ERRFI1: variants seen among roughly 807,000 people sequenced by gnomAD.
ERRFI1 encodes mitogen-inducible gene 6 protein.
Under a neutral mutation model 14.6 loss-of-function variants are expected in ERRFI1, and 12 were observed. The ratio of observed to expected loss-of-function variants is 0.82; its 90% CI spans 0.53 to 1.33. The LOEUF is 1.33. ERRFI1 is among the 40% of genes most tolerant of loss of function. The probability of loss-of-function intolerance (pLI) is 0.00; values close to 1 mark genes in which losing one functional copy is unlikely to be tolerated. For missense variants in ERRFI1, 482 were observed against 572.1 expected (o/e 0.84, Z 1.61); for synonymous variants, 202 against 209.9 (o/e 0.96, Z 0.32).
intron 1 of ERRFI1, among the ~76,000 whole-genome samples, chr1:8,025,114 C>A (rs1641325645): frequency 6.6e-6 from 1 of 152,206 alleles, no homozygotes; most frequent in Admixed American, 6.5e-5. Flanking sequence ...ACCTGTGTTG[C>A]AGGTGTACCT....
intron 1 of ERRFI1, among the ~76,000 whole-genome samples, chr1:8,025,183 C>T (rs1323689044): frequency 6.6e-6 from 1 of 152,196 alleles, no homozygotes; most frequent in Non-Finnish European, 1.5e-5. Flanking sequence ...AAGTTTATGA[C>T]TAACCATCTA....
In ERRFI1 at chr1:8,015,579, G is replaced by A. The variant is rs2124066334; in HGVS notation, c.41C>T (p.Pro14Leu). The change falls in exon 2 of 4, where the codon CCA becomes CTA. Residue 14 changes from proline (P) to leucine (L), a missense_variant. Physicochemically the swap from Pro to Leu is moderately conservative, Grantham distance 98. Transcript: ENST00000377482. ...AGVAAQEIRVPLKTGFLHNGR... is the reference protein window; with the variant it reads ...AGVAAQEIRVLLKTGFLHNGR... Reference sequence around the variant, plus strand: ...ATTATGTAGAAATCCAGTTTTTAATGGGACTCTGATCTCCTGAGCAGCAAC... The same window carrying A: ...ATTATGTAGAAATCCAGTTTTTAATAGGACTCTGATCTCCTGAGCAGCAAC... The A allele has an allele frequency of 3.1e-6, 5 of 1,614,074 alleles. No homozygotes were observed. Among genetic ancestry groups the A allele is most frequent in the Non-Finnish European group, 4.2e-6 (5 of 1,179,980 alleles).
Position 8,014,136 on chromosome 1 carries a change from G to A in ERRFI1, c.463C>T (p.Pro155Ser), listed in dbSNP as rs2124060999. ...GAGAGGGCTTCAGAGATTGGCAACG[G>A]TGGAAGAGGCCTAGAACCCCGTTCA... is the stretch of plus-strand genomic sequence containing the variant. ...LCERGSRPLP[P>S]LPISEALSLD... Residue 155 changes from proline to serine, a missense_variant, in exon 4 of 4, where the codon CCG becomes TCG. Pro to Ser is a moderately conservative substitution (Grantham distance 74). Coordinates refer to ENST00000377482, the MANE Select transcript of ERRFI1 (RefSeq NM_018948.4). 1.2e-6 allele frequency: 2 copies of A among 1,614,198 alleles called. No individual in the cohort carries two copies. The highest frequency in any genetic ancestry group is 1.7e-6 in the Non-Finnish European group (2 of 1,180,038).
chr1:8,022,270 G>A (rs892777415), intron 1 of ERRFI1, among the ~76,000 whole-genome samples: 5 of 152,068 alleles, frequency 3.3e-5, no homozygotes, highest in Non-Finnish European at 7.4e-5. Context: ...GTTTTTACTC[G>A]TAATAAGCGG....
chr1:8,014,172 C>T lies in ERRFI1; in HGVS notation c.427G>A (p.Ala143Thr). ...IKNSPSLFPC[A>T]PLCERGSRPL... Reference sequence around the variant, plus strand: ...CTAGAACCCCGTTCACAAAGAGGGGCACAGGGGAAAAGGGAAGGGGAGTTT... The same window carrying T: ...CTAGAACCCCGTTCACAAAGAGGGGTACAGGGGAAAAGGGAAGGGGAGTTT... The change falls in exon 4 of 4, where the codon GCC becomes ACC. Residue 143 changes from alanine (A) to threonine (T), a missense_variant. Ala to Thr is a moderately conservative substitution (Grantham distance 58). Transcript: ENST00000377482. 2 of 1,614,038 alleles carry T rather than the reference C, an allele frequency of 1.2e-6. No homozygotes were observed. The highest frequency in any genetic ancestry group is 8.5e-7 in the Non-Finnish European group (1 of 1,180,002).
intron 1 of ERRFI1, among the ~76,000 whole-genome samples, chr1:8,025,745 A>C (rs1641337328): frequency 6.6e-6 from 1 of 151,528 alleles, no homozygotes; most frequent in Admixed American, 6.6e-5. Context: ...CGGGACGAGG[A>C]CCTTCATGCT....
At chr1:8,014,633 G>A (rs1051345356) in intron 3 of ERRFI1, 2 of 518,382 alleles carry the variant, frequency 3.9e-6, no homozygotes, top group African/African-American at 1.9e-5. Flanking sequence ...CCTTGGACAT[G>A]TGCACAGCGC....
chr1:8,013,426 T>C lies in ERRFI1; in HGVS notation c.1173A>G (p.Ser391=). Residue 391 remains serine (S), a synonymous_variant, in exon 4 of 4, where the codon TCA becomes TCG. Transcript: ENST00000377482. The surrounding 1 kb of genome is among the most constrained non-coding windows in gnomAD (Gnocchi z 4.3). ...PIIENGKKVS[S]THYYLLPERP... ...GTTCAGGTAGTAGGTAATAATGTGT[T>C]GAACTAACCTTCTTCCCATTTTCAA... The C allele has an allele frequency of 1.9e-6, 3 of 1,614,220 alleles. No individual in the cohort carries two copies. Among genetic ancestry groups the C allele is most frequent in the Non-Finnish European group, 2.5e-6 (3 of 1,180,044 alleles).
rs79350459 is a variant in ERRFI1, at chr1:8,023,040, C to T, written c.-74+3118G>A. On this transcript the variant is annotated intron_variant, in intron 1 of 3. Transcript: ENST00000377482. ...ATTTACACAGGTGGTTTGGGAAGGCCTCTCTGAGTAGGTGACTTTTAAATG... is the reference window on the plus strand; with the variant it reads ...ATTTACACAGGTGGTTTGGGAAGGCTTCTCTGAGTAGGTGACTTTTAAATG... Among the ~76,000 whole-genome samples the T allele has an allele frequency of 4.6e-5, 7 of 152,192 alleles. No individual in the cohort carries two copies. In the East Asian group the frequency reaches 1.4e-3, roughly 29 times the overall value.
intron 1 of ERRFI1, among the ~76,000 whole-genome samples, chr1:8,023,398 C>T (rs1286521623): frequency 3.9e-5 from 6 of 152,168 alleles, no homozygotes; most frequent in Admixed American, 6.5e-5. Context: ...CCACCTCAGC[C>T]TCCTGAGTAG....
intron 1 of ERRFI1, among the ~76,000 whole-genome samples, chr1:8,020,652 G>C (rs419683): frequency 0.15 from 22,122 of 151,004 alleles, 1,848 homozygotes; most frequent in Non-Finnish European, 0.17. Flanking sequence ...TCAAGCGATT[G>C]TCCTGCCTCA....
chr1:8,021,655 A>G (rs566997081), intron 1 of ERRFI1, among the ~76,000 whole-genome samples: 2 of 152,220 alleles, frequency 1.3e-5, no homozygotes, highest in Non-Finnish European at 2.9e-5. Context: ...TAAAACCATT[A>G]ATGATAACTA....
Position 8,012,961 on chromosome 1 carries a change from C to T in ERRFI1, c.*249G>A. The T allele has an allele frequency of 2.0e-6, 1 of 493,120 alleles. No individual in the cohort carries two copies. Among genetic ancestry groups the T allele is most frequent in the Non-Finnish European group, 3.6e-6 (1 of 280,448 alleles). The allele number at this position is 493,120 out of a possible 1,614,324, so 30.5% of individuals were successfully genotyped here. ...TAATGTATGCATATATAAAAAGCTT[C>T]CCCATCCTCCCCTCCCCACCATCAC... On this transcript the variant is annotated 3_prime_UTR_variant, in exon 4 of 4. Transcript: ENST00000377482.
chr1:8,023,680 A>G (rs1484982695), intron 1 of ERRFI1, among the ~76,000 whole-genome samples: 1 of 152,212 alleles, frequency 6.6e-6, no homozygotes, highest in African/African-American at 2.4e-5. Context: ...CTACAGTATC[A>G]ACAAAGACTT....
intron 3 of ERRFI1, 59 bp downstream of exon 3, chr1:8,015,249 C>G (rs1258015545): frequency 1.3e-6 from 2 of 1,501,248 alleles, no homozygotes; most frequent in Non-Finnish European, 9.3e-7. Flanking sequence ...GACAAGCTAA[C>G]CCGAATCCAG....
chr1:8,020,534 A>G (rs948481342), intron 1 of ERRFI1, among the ~76,000 whole-genome samples: 1 of 149,758 alleles, frequency 6.7e-6, no homozygotes, highest in African/African-American at 2.5e-5. Flanking sequence ...AAACAAACAA[A>G]CAAACAAAAA....
rs369425306 is a variant in ERRFI1, at chr1:8,014,320, G to A, written c.279C>T (p.Pro93=). 5.4e-5 allele frequency: 87 copies of A among 1,613,220 alleles called. 1 individual carries two copies. In the Middle Eastern group the frequency reaches 6.6e-4, roughly 12 times the overall value. Reference sequence around the variant, plus strand: ...TTTCACTTGGGGGAATAAGAAGAGGGGGCAAGCTGGACTTTTGAGATGGAC... The same window carrying A: ...TTTCACTTGGGGGAATAAGAAGAGGAGGCAAGCTGGACTTTTGAGATGGAC... The part of the protein sequence containing the change: ...ENGPSQKSSL[P]PLLIPPSENL... The change falls in exon 4 of 4, where the codon CCC becomes CCT. Residue 93 remains proline (P), a synonymous_variant. Transcript: ENST00000377482.
Position 8,014,144 on chromosome 1 carries a change from G to A in ERRFI1, c.455C>T (p.Pro152Leu), listed in dbSNP as rs2124061107. The change falls in exon 4 of 4, where the codon CCT (proline) becomes CTT (leucine). Residue 152 changes from proline (P) to leucine (L), a missense_variant. Pro to Leu is a moderately conservative substitution (Grantham distance 98, BLOSUM62 -3). Transcript: ENST00000377482. ...TTCAGAGATTGGCAACGGTGGAAGA[G>A]GCCTAGAACCCCGTTCACAAAGAGG... ...CAPLCERGSR[P>L]LPPLPISEAL... 1.2e-6 allele frequency: 2 copies of A among 1,614,170 alleles called. No homozygotes were observed. Among genetic ancestry groups the A allele is most frequent in the East Asian group, 2.2e-5 (1 of 44,874 alleles).
intron 1 of ERRFI1, among the ~76,000 whole-genome samples, chr1:8,022,553 C>T (rs574351723): frequency 5.3e-5 from 8 of 152,166 alleles, no homozygotes; most frequent in African/African-American, 1.7e-4. Context: ...AGCAAAAGGG[C>T]GATCATGGCT....
Sources: allele counts gnomAD v4.1 joint callset (sites outside exome capture counted in the v4.1 genomes callset), GRCh38; gene constraint gnomAD v4.1.1; non-coding constraint Gnocchi (gnomAD v3.1); transcripts MANE v1.5; gene names NCBI Gene and HGNC (gene_info 2026-07-23, HGNC 2026-07-21).